CREB3L3: variants seen among roughly 807,000 people sequenced by gnomAD.
CREB3L3 encodes cyclic AMP-responsive element-binding protein 3-like protein 3.
In CREB3L3, 40 loss-of-function variants were observed where a neutral mutation model predicts 44.6. The observed-to-expected ratio is 0.90, with a 90% CI of 0.70 to 1.17. The LOEUF (loss-of-function observed/expected upper bound fraction) is 1.17. Ranked by LOEUF, CREB3L3 falls within the 50% of genes most tolerant of loss-of-function variation. The pLI, the probability that CREB3L3 is intolerant of heterozygous loss-of-function variation, is 0.00. For missense variants in CREB3L3, 578 were observed against 595.8 expected (o/e 0.97, Z 0.31); for synonymous variants, 273 against 256.3 (o/e 1.06, Z -0.62).
rs35475764 is a variant in CREB3L3 at position 4,155,024 on chromosome 19, C to T, written c.153C>T (p.Asp51=). 132 of 1,606,626 alleles carry T rather than the reference C, an allele frequency of 8.2e-5. No individual in the cohort carries two copies. The highest frequency in any genetic ancestry group is 1.1e-4 in the Non-Finnish European group (130 of 1,179,952). The stretch of plus-strand genomic sequence containing the variant: ...GCGAGGGCTGGGGTCACGTCAAGGA[C>T]CAGGTGAGGAGTCCACTGCAGTTGC... The part of the protein sequence containing the change: ...ELGEGWGHVK[D]QQVLPNPDSD... The change falls in exon 2 of 10, where the codon GAC becomes GAT. Residue 51 remains aspartate (D), a synonymous_variant. Transcript: ENST00000078445.
intron 5 of CREB3L3, among the ~76,000 whole-genome samples, chr19:4,165,074 A>G (rs1014381172): frequency 5.3e-5 from 8 of 152,170 alleles, no homozygotes; most frequent in Admixed American, 5.2e-4. Context: ...AGCCAAAACA[A>G]TCAGTCAGAA....
At position 4,170,334 on chromosome 19, in the gene CREB3L3, G is replaced by A. The variant is rs550149774; in HGVS notation, c.890+126G>A. The A allele has an allele frequency of 2.1e-4, 197 of 924,048 alleles. 1 individual carries two copies. The African/African-American group carries it at 2.6e-3, about 12-fold the overall frequency. 57.2% of individuals were successfully genotyped at this position (924,048 alleles called of 1,614,324 possible). Reference sequence around the variant, plus strand: ...AATAAGAGTTTTACCTATGGGCCGCGTGCAGTGGCTCACGCCTGTAATCTC... The same window carrying A: ...AATAAGAGTTTTACCTATGGGCCGCATGCAGTGGCTCACGCCTGTAATCTC... On this transcript the variant is annotated intron_variant, in intron 7 of 9. Transcript: ENST00000078445.
Position 4,172,162 on chromosome 19 carries a change from C to T in CREB3L3, c.*193C>T, listed in dbSNP as rs113783181. 9 of 641,754 alleles carry T rather than the reference C, an allele frequency of 1.4e-5. No individual in the cohort carries two copies. Among genetic ancestry groups the T allele is most frequent in the Non-Finnish European group, 2.1e-5 (8 of 376,162 alleles). 39.8% of individuals were successfully genotyped at this position (641,754 alleles called of 1,614,324 possible). A position where few individuals can be genotyped will look rare whatever the true frequency, so the allele number is the denominator to read the frequency against. On this transcript the variant is annotated 3_prime_UTR_variant, in exon 10 of 10. Coordinates refer to ENST00000078445, the MANE Select transcript of CREB3L3 (RefSeq NM_032607.3). ...CCACGCAGGAACCGACACTCAGACA[C>T]AAGGCAAAGAGGGCCACAGGACCCG...
Position 4,171,351 on chromosome 19 carries a change from G to T in CREB3L3, c.976-32G>T. ...TGGAGATGCTTGCAGGGGAGGGGAG[G>T]GAGGGGGTGACTCTGCCGCTGTCTC... On this transcript the variant is annotated intron_variant, in intron 8 of 9. Coordinates refer to ENST00000078445, the MANE Select transcript of CREB3L3 (RefSeq NM_032607.3). This position sits in a 1 kb window ranked among gnomAD's most constrained non-coding sequence, Gnocchi z 4.9. 1 of 1,593,546 alleles carries T rather than the reference G, an allele frequency of 6.3e-7. No individual in the cohort carries two copies. Among genetic ancestry groups the T allele is most frequent in the Non-Finnish European group, 8.6e-7 (1 of 1,161,504 alleles).
chr19:4,171,830 A>T lies in CREB3L3; in HGVS notation c.1247A>T (p.Glu416Val). The part of the protein sequence containing the change: ...QDTANLTNST[E>V]ELDNATLVLR... The stretch of plus-strand genomic sequence containing the variant: ...ACCGCGAACCTGACCAATTCGACGG[A>T]GGAGCTGGACAACGCCACCCTGGTC... The change falls in exon 10 of 10, where the codon GAG becomes GTG. Residue 416 changes from glutamate to valine, a missense_variant. By Grantham distance (121) the Glu-to-Val change is moderately radical (BLOSUM62 -2). Coordinates refer to ENST00000078445, the MANE Select transcript of CREB3L3 (RefSeq NM_032607.3). This position sits in a 1 kb window ranked among gnomAD's most constrained non-coding sequence, Gnocchi z 4.9. 6.2e-7 allele frequency: 1 copy of T among 1,613,634 alleles called. No homozygotes were observed. The highest frequency in any genetic ancestry group is 1.1e-5 in the South Asian group (1 of 91,082).
At chr19:4,155,059 A>ACAGAGCTCCAGGCGGGC in intron 2 of CREB3L3, 32 bp downstream of exon 2, 1 of 1,600,686 alleles carries the variant, frequency 6.2e-7, no homozygotes, top group East Asian at 2.2e-5. Context: ...CCCCGGGACC[A>ACAGAGCTCCAGGCGGGC]CAGAGCTCCA....
chr19:4,169,584 CTTTTTT>C (rs34259250), intron 6 of CREB3L3, among the ~76,000 whole-genome samples: 2 of 95,140 alleles, frequency 2.1e-5, no homozygotes, highest in African/African-American at 8.9e-5. Flanking sequence ...GGAGGCTCAG[CTTTTTT>C]TTTTTTTTTT....
Position 4,171,677 on chromosome 19 carries a change from A to G in CREB3L3, c.1094A>G (p.Asn365Ser). The G allele has an allele frequency of 6.2e-7, 1 of 1,613,184 alleles. No individual in the cohort carries two copies. Among genetic ancestry groups the G allele is most frequent in the Non-Finnish European group, 8.5e-7 (1 of 1,179,970 alleles). ...PVRVFSRTLH[N>S]DAASRVAADA... ...TCAGTGTTCTCCAGAACTTTGCACA[A>G]CGATGCTGCCTCCCGCGTGGCTGCT... is the stretch of plus-strand genomic sequence containing the variant. The change falls in exon 10 of 10, where the codon AAC becomes AGC. Residue 365 changes from asparagine (N) to serine (S), a missense_variant. Transcript: ENST00000078445. The surrounding 1 kb of genome is among the most constrained non-coding windows in gnomAD (Gnocchi z 4.9).
rs538564696 is a variant in CREB3L3, at chr19:4,164,395, A to T, written c.577-108A>T. On this transcript the variant is annotated intron_variant, in intron 4 of 9. Coordinates refer to ENST00000078445, the MANE Select transcript of CREB3L3 (RefSeq NM_032607.3). ...AGTGCTGGGATGACAGGCGTGAGCC[A>T]CCACACCCAGCCTGGGGTGATAGTG... is the stretch of plus-strand genomic sequence containing the variant. 52 of 1,423,698 alleles carry T rather than the reference A, an allele frequency of 3.7e-5. No individual in the cohort carries two copies. In the South Asian group the frequency reaches 4.7e-4, roughly 13 times the overall value. The allele number at this position is 1,423,698 out of a possible 1,614,324, so 88.2% of individuals were successfully genotyped here.
At chr19:4,157,365 G>A (rs2041599638) in intron 3 of CREB3L3, 70 bp downstream of exon 3, 5 of 1,552,622 alleles carry the variant, frequency 3.2e-6, no homozygotes, top group South Asian at 2.2e-5. Flanking sequence ...GTGAGGAAAT[G>A]GAGGCCCAGA....
chr19:4,170,888 C>T (rs907945590), intron 7 of CREB3L3, among the ~76,000 whole-genome samples: 1 of 151,334 alleles, frequency 6.6e-6, no homozygotes, highest in Non-Finnish European at 1.5e-5. Flanking sequence ...CCAGCCTGGG[C>T]GATGGAGCAA....
At chr19:4,166,421 ATTT>A (rs35783380) in intron 5 of CREB3L3, among the ~76,000 whole-genome samples, 2,419 of 103,728 alleles carry the variant, frequency 0.023, 69 homozygotes, top group African/African-American at 0.085. Context: ...CGCCTGGCTA[ATTT>A]TTTTTTTTTT....
At position 4,153,765 on chromosome 19, in the gene CREB3L3, T is replaced by C. The variant is rs1453079098; in HGVS notation, c.18T>C (p.Ala6=). 1 of 1,614,120 alleles carries C rather than the reference T, an allele frequency of 6.2e-7. No homozygotes were observed. Among genetic ancestry groups the C allele is most frequent in the Non-Finnish European group, 8.5e-7 (1 of 1,180,024 alleles). Residue 6 remains alanine, a synonymous_variant, in exon 1 of 10, where the codon GCT becomes GCC. Coordinates refer to ENST00000078445, the MANE Select transcript of CREB3L3 (RefSeq NM_032607.3). ...ATGGACCCATGAATACGGATTTAGC[T>C]GCTGGAAAGGTGAGCCCTACTAGGT... MNTDL[A]AGKMASAACS... is the part of the protein sequence containing the mutation.
chr19:4,171,794 G>A lies in CREB3L3; in HGVS notation c.1211G>A (p.Gly404Asp). The A allele has an allele frequency of 6.2e-7, 1 of 1,613,554 alleles. No homozygotes were observed. The highest frequency in any genetic ancestry group is 8.5e-7 in the Non-Finnish European group (1 of 1,180,014). Residue 404 changes from glycine (G) to aspartate (D), a missense_variant, in exon 10 of 10, where the codon GGC becomes GAC. Physicochemically the swap from Gly to Asp is moderately conservative, Grantham distance 94. Coordinates refer to ENST00000078445, the MANE Select transcript of CREB3L3 (RefSeq NM_032607.3). The surrounding 1 kb of genome is among the most constrained non-coding windows in gnomAD (Gnocchi z 4.9). ...ESPGSPGADW[G>D]FQDTANLTNS... ...CCAGGAAGCCCCGGGGCAGACTGGG[G>A]CTTCCAGGACACCGCGAACCTGACC...
chr19:4,156,139 C>G (rs2041572286), intron 2 of CREB3L3, among the ~76,000 whole-genome samples: 1 of 124,520 alleles, frequency 8.0e-6, no homozygotes, highest in Non-Finnish European at 1.6e-5. Context: ...CTCTCTGTCT[C>G]TCTCTCTCTC....
chr19:4,171,984 A>G lies in CREB3L3; in HGVS notation c.*15A>G. ...ACGAGCTGTGAGCCCCGCCAGGACT[A>G]TGCTCCCAGGCCCCTCTGCCCAGGG... On this transcript the variant is annotated 3_prime_UTR_variant, in exon 10 of 10. Transcript: ENST00000078445. This position sits in a 1 kb window ranked among gnomAD's most constrained non-coding sequence, Gnocchi z 4.9. 3.2e-6 allele frequency: 5 copies of G among 1,572,740 alleles called. No individual in the cohort carries two copies. The highest frequency in any genetic ancestry group is 2.0e-4 in the Middle Eastern group (1 of 4,912).
Position 4,170,179 on chromosome 19 carries a change from G to A in CREB3L3, c.861G>A (p.Arg287=), listed in dbSNP as rs1198032386. The change falls in exon 7 of 10, where the codon AGG becomes AGA. Residue 287 remains arginine, a synonymous_variant. Transcript: ENST00000078445. The part of the protein sequence containing the change: ...ACTAQNQELQ[R]KVLHLEKQNL... The stretch of plus-strand genomic sequence containing the variant: ...CTGCTCAGAATCAGGAGTTACAGAG[G>A]AAAGTCTTGCATCTCGAGAAGCAAA... 1.9e-5 allele frequency: 30 copies of A among 1,614,130 alleles called. No individual in the cohort carries two copies. The highest frequency in any genetic ancestry group is 2.5e-5 in the Non-Finnish European group (30 of 1,180,016).
chr19:4,164,425 C>G, intron 4 of CREB3L3, 78 bp from the exon 5 acceptor site: 1 of 1,581,682 alleles, frequency 6.3e-7, no homozygotes, highest in East Asian at 2.2e-5. Flanking sequence ...ATAGTGTTTT[C>G]GATCTGATAC....
In CREB3L3 at chr19:4,157,295, G is replaced by T; in HGVS notation, c.457G>T (p.Glu153Ter). ...TGAAGCCTCTGTGACCATAGACCTG[G>T]GTGAGTCCTGCTGTGTCTCTGCCCA... ...VPEASVTIDLEMWSPGGRICA... is the reference protein window; with the variant it reads ...VPEASVTIDL Residue 153 changes from glutamate (E) to a stop codon, truncating the protein, a stop_gained and splice_region_variant, in exon 3 of 10, where the codon GAA (glutamate) becomes TAA (stop). Transcript: ENST00000078445. LOFTEE classifies it high-confidence loss of function. The T allele has an allele frequency of 2.5e-6, 4 of 1,614,098 alleles. No individual in the cohort carries two copies. The highest frequency in any genetic ancestry group is 3.4e-6 in the Non-Finnish European group (4 of 1,180,016).
Sources: allele counts gnomAD v4.1 joint callset (sites outside exome capture counted in the v4.1 genomes callset), GRCh38; gene constraint gnomAD v4.1.1; non-coding constraint Gnocchi (gnomAD v3.1); transcripts MANE v1.5; gene names NCBI Gene and HGNC (gene_info 2026-07-23, HGNC 2026-07-21).